The following CSMD1 variants were observed in gnomAD, a reference collection of about 807,000 sequenced individuals.
The protein encoded by CSMD1 is CUB and sushi domain-containing protein 1.
In CSMD1, 213 loss-of-function variants were observed where a neutral mutation model predicts 417.5. The ratio of observed to expected loss-of-function variants is 0.51; its 90% confidence interval spans 0.46 to 0.57. The LOEUF (loss-of-function observed/expected upper bound fraction) is 0.57, where lower values mean the gene tolerates loss of function less well. Ranked by LOEUF, CSMD1 falls within the 20% of genes least tolerant of loss-of-function variation. The probability of loss-of-function intolerance (pLI) is 0.00; values close to 1 mark genes in which losing one functional copy is unlikely to be tolerated. For missense variants in CSMD1, 6,923 were observed against 4,529.7 expected (o/e 1.53, Z -15.17); for synonymous variants, 2,862 against 1,736.8 (o/e 1.65, Z -16.11).
intron 5 of CSMD1, among the ~76,000 whole-genome samples, chr8:3,984,967 C>G (rs1203386964): frequency 6.6e-6 from 1 of 151,936 alleles, no homozygotes; most frequent in African/African-American, 2.4e-5. Context: ...TTGGTGAAGA[C>G]TTGGGAAAGA....
intron 5 of CSMD1, among the ~76,000 whole-genome samples, chr8:3,873,889 C>A (rs373661638): frequency 1.0e-3 from 152 of 152,210 alleles, no homozygotes; most frequent in Middle Eastern, 3.4e-3. Context: ...ACTGGCTGAA[C>A]TGGGGGAGGT....
chr8:3,932,123 T>A (rs1354329161), intron 5 of CSMD1, among the ~76,000 whole-genome samples: 1 of 150,310 alleles, frequency 6.7e-6, no homozygotes, highest in Non-Finnish European at 1.5e-5. Flanking sequence ...AGTAGATGAT[T>A]TTATGGCTTA....
intron 3 of CSMD1, among the ~76,000 whole-genome samples, chr8:4,041,536 G>T (rs1797895024): frequency 6.6e-6 from 1 of 152,054 alleles, no homozygotes; most frequent in Non-Finnish European, 1.5e-5. Context: ...GAATATTTAT[G>T]GGAATACAAA....
At chr8:3,850,559 A>G (rs1300787863) in intron 5 of CSMD1, among the ~76,000 whole-genome samples, 1 of 152,072 alleles carries the variant, frequency 6.6e-6, no homozygotes, top group Non-Finnish European at 1.5e-5. Flanking sequence ...GCCGGGCATG[A>G]TGGCTCTCAC....
intron 1 of CSMD1, among the ~76,000 whole-genome samples, chr8:4,954,368 T>C (rs1311091882): frequency 6.6e-6 from 1 of 152,154 alleles, no homozygotes; most frequent in Non-Finnish European, 1.5e-5. Flanking sequence ...TAAAGACACA[T>C]TTTTTGTGTG....
At chr8:4,096,037 T>G (rs1384246030) in intron 3 of CSMD1, among the ~76,000 whole-genome samples, 2 of 145,316 alleles carry the variant, frequency 1.4e-5, no homozygotes, top group East Asian at 1.9e-4. Context: ...GGGTATAATG[T>G]GTGGTGTGTT....
At chr8:3,700,297 G>A (rs1446697853) in intron 7 of CSMD1, among the ~76,000 whole-genome samples, 2 of 152,218 alleles carry the variant, frequency 1.3e-5, no homozygotes, top group African/African-American at 2.4e-5. Flanking sequence ...AAATATACCT[G>A]CCCTCATGTA....
At chr8:3,383,590 A>T (rs560071070) in intron 18 of CSMD1, among the ~76,000 whole-genome samples, 12 of 152,334 alleles carry the variant, frequency 7.9e-5, no homozygotes, top group Admixed American at 5.2e-4. Flanking sequence ...TCTTAAAATT[A>T]AAAATTTCTA....
At chr8:3,024,623 A>T (rs2128973692) in intron 51 of CSMD1, among the ~76,000 whole-genome samples, 1 of 152,288 alleles carries the variant, frequency 6.6e-6, no homozygotes, top group South Asian at 2.1e-4. Flanking sequence ...TTAAGTTTTT[A>T]AAAATTGTGT....
At chr8:4,964,501 CCAAAAAA>C (rs1185044247) in intron 1 of CSMD1, among the ~76,000 whole-genome samples, 3 of 81,060 alleles carry the variant, frequency 3.7e-5, no homozygotes, top group Admixed American at 1.6e-4. Flanking sequence ...GACCCTGTCT[CCAAAAAA>C]AAAAAAAAAA....
At chr8:3,511,378 A>T (rs1215315399) in intron 10 of CSMD1, among the ~76,000 whole-genome samples, 2 of 50,246 alleles carry the variant, frequency 4.0e-5, no homozygotes, top group African/African-American at 9.3e-5. Context: ...TTAAAGTATT[A>T]AAAAAAAAAA....
At chr8:3,469,698 C>A (rs961178406) in intron 11 of CSMD1, among the ~76,000 whole-genome samples, 56 of 152,284 alleles carry the variant, frequency 3.7e-4, no homozygotes, top group African/African-American at 1.3e-3. Context: ...ATATGATTTG[C>A]CCCATCAATC....
At chr8:4,843,890 C>A (rs942148548) in intron 1 of CSMD1, among the ~76,000 whole-genome samples, 2 of 152,108 alleles carry the variant, frequency 1.3e-5, no homozygotes, top group African/African-American at 4.8e-5. Flanking sequence ...CCTAACACAC[C>A]CAGTGAGCTC....
At chr8:3,848,623 G>A (rs1466988767) in intron 5 of CSMD1, among the ~76,000 whole-genome samples, 2 of 152,122 alleles carry the variant, frequency 1.3e-5, no homozygotes, top group Non-Finnish European at 1.5e-5. Context: ...GTTCTAAAGT[G>A]CAGAGAATAG....
At chr8:3,083,305 G>A (rs1055739282) in intron 49 of CSMD1, among the ~76,000 whole-genome samples, 4 of 151,728 alleles carry the variant, frequency 2.6e-5, no homozygotes, top group African/African-American at 9.7e-5. Context: ...TACTAATTAA[G>A]ATTCCAAGAA....
intron 4 of CSMD1, among the ~76,000 whole-genome samples, chr8:4,005,895 G>A (rs997999883): frequency 3.9e-5 from 6 of 152,242 alleles, no homozygotes; most frequent in African/African-American, 1.4e-4. Flanking sequence ...CAAAATCACT[G>A]GGAATTGGCT....
At chr8:4,093,606 T>C (rs1258969268) in intron 3 of CSMD1, among the ~76,000 whole-genome samples, 4 of 152,196 alleles carry the variant, frequency 2.6e-5, no homozygotes, top group Non-Finnish European at 5.9e-5. Context: ...GCTTTTTCCC[T>C]ATTTGAAAGT....
intron 3 of CSMD1, among the ~76,000 whole-genome samples, chr8:4,289,255 C>A (rs1797229089): frequency 6.6e-6 from 1 of 152,108 alleles, no homozygotes; most frequent in South Asian, 2.1e-4. Flanking sequence ...AACTGTTTTC[C>A]CTGGAAGCCT....
At chr8:3,347,222 G>C (rs896534778) in intron 22 of CSMD1, among the ~76,000 whole-genome samples, 7 of 152,226 alleles carry the variant, frequency 4.6e-5, no homozygotes, top group African/African-American at 1.4e-4. Context: ...CTTGTTTCTT[G>C]AAGCTTTTCC....
Sources: gnomAD v4.1 joint callset for allele counts (sites outside exome capture counted in the v4.1 genomes callset) on GRCh38, gnomAD v4.1.1 for gene constraint, MANE v1.5 for transcripts, NCBI Gene and HGNC (gene_info 2026-07-23, HGNC 2026-07-21) for gene names.